The following GRIA1 variants were observed in gnomAD, a reference collection of about 807,000 sequenced individuals.
GRIA1 encodes glutamate receptor 1.
A neutral mutation model predicts 99.2 loss-of-function variants in GRIA1; 31 were observed. The observed-to-expected ratio is 0.31, with a 90% CI of 0.23 to 0.42. The LOEUF (loss-of-function observed/expected upper bound fraction) is 0.42. Among genes scored for constraint, GRIA1 ranks in the 10% least tolerant of loss-of-function variants. The pLI is 1.00. For missense variants in GRIA1, 782 were observed against 1,157.5 expected (o/e 0.68, Z 4.71); for synonymous variants, 438 against 432.4 (o/e 1.01, Z -0.16).
chr5:153,594,803 C>A (rs1764287547), intron 2 of GRIA1, among the ~76,000 whole-genome samples: 1 of 151,692 alleles, frequency 6.6e-6, no homozygotes, highest in Non-Finnish European at 1.5e-5. Flanking sequence ...GAGTCCACCC[C>A]CAGTCTTCTG....
At chr5:153,573,082 A>G (rs1382273481) in intron 2 of GRIA1, 1 of 152,214 alleles carries the variant, frequency 6.6e-6, no homozygotes, top group Non-Finnish European at 1.5e-5. Flanking sequence ...AAGGAGTCCT[A>G]AGAGGTCTGA....
intron 5 of GRIA1, among the ~76,000 whole-genome samples, chr5:153,657,011 C>T (rs1755008561): frequency 6.6e-6 from 1 of 152,150 alleles, no homozygotes; most frequent in African/African-American, 2.4e-5. Context: ...TCAAGTTTCA[C>T]CCATGTTGCA....
Position 153,627,517 on chromosome 5 carries a change from T to C in GRIA1, c.221-19411T>C, listed in dbSNP as rs1767745821. On this transcript the variant is annotated intron_variant, in intron 2 of 15. Coordinates refer to ENST00000285900, the MANE Select transcript of GRIA1 (RefSeq NM_000827.4). ...GAAAAATAATCTAGAACAATTTTTT[T>C]CAGAGGAATCAGTCTTTCTTCCCCA... Among the ~76,000 whole-genome samples, 6 of 152,160 alleles carry C rather than the reference T, an allele frequency of 3.9e-5. No individual in the cohort carries two copies. The South Asian group carries it at 1.2e-3, about 32-fold the overall frequency.
intron 2 of GRIA1, among the ~76,000 whole-genome samples, chr5:153,537,997 G>A (rs1409008144): frequency 6.6e-6 from 1 of 152,166 alleles, no homozygotes; most frequent in Non-Finnish European, 1.5e-5. Flanking sequence ...GCAGGGAGGT[G>A]ATACAGTGAA....
At chr5:153,534,628 C>A (rs1048923995) in intron 2 of GRIA1, among the ~76,000 whole-genome samples, 3 of 152,160 alleles carry the variant, frequency 2.0e-5, no homozygotes, top group African/African-American at 7.2e-5. Flanking sequence ...GACAGTATCA[C>A]GTTGTGGAGT....
upstream of GRIA1, chr5:153,490,301 T>C (rs1242927115): frequency 5.7e-6 from 1 of 174,262 alleles, no homozygotes; most frequent in African/African-American, 2.4e-5. Context: ...CCCAGCAGCT[T>C]CAGCCTGGGG....
chr5:153,513,737 A>G (rs1756333838), intron 2 of GRIA1, among the ~76,000 whole-genome samples: 1 of 152,144 alleles, frequency 6.6e-6, no homozygotes, highest in Non-Finnish European at 1.5e-5. Context: ...AGTGATTATG[A>G]ATCCAGACTT....
chr5:153,793,907 CA>C (rs1428819662), intron 13 of GRIA1, among the ~76,000 whole-genome samples: 1 of 152,206 alleles, frequency 6.6e-6, no homozygotes, highest in Non-Finnish European at 1.5e-5. Flanking sequence ...GCCTAAACAG[CA>C]GTCATGTAAA....
chr5:153,631,001 C>G (rs1752920995), intron 2 of GRIA1, among the ~76,000 whole-genome samples: 1 of 152,190 alleles, frequency 6.6e-6, no homozygotes, highest in African/African-American at 2.4e-5. Context: ...TGTCTGTTCT[C>G]TTACAGATGA....
At chr5:153,740,962 T>G (rs865849322) in intron 11 of GRIA1, among the ~76,000 whole-genome samples, 9 of 140,836 alleles carry the variant, frequency 6.4e-5, no homozygotes, top group African/African-American at 2.4e-4. Flanking sequence ...TGTGAAGAAA[T>G]TGGCTTTTTT....
chr5:153,784,792 T>C (rs1764869467), intron 13 of GRIA1, among the ~76,000 whole-genome samples: 1 of 152,188 alleles, frequency 6.6e-6, no homozygotes, highest in African/African-American at 2.4e-5. Flanking sequence ...CAGCCAGTGA[T>C]GTCATAGACT....
At chr5:153,495,237 A>G (rs2113199039) in intron 2 of GRIA1, among the ~76,000 whole-genome samples, 2 of 152,350 alleles carry the variant, frequency 1.3e-5, no homozygotes, top group South Asian at 2.1e-4. Flanking sequence ...AGTCACATTC[A>G]TTACCATGTA....
chr5:153,682,349 A>G (rs867792625), intron 7 of GRIA1, among the ~76,000 whole-genome samples: 4 of 152,204 alleles, frequency 2.6e-5, no homozygotes, highest in Non-Finnish European at 5.9e-5. Context: ...CAATGAGGGC[A>G]GGGGAGAGCA....
At chr5:153,705,560 C>A in intron 10 of GRIA1, 137 bp from the exon 11 acceptor site, 1 of 1,139,470 alleles carries the variant, frequency 8.8e-7, no homozygotes, top group Non-Finnish European at 1.2e-6. Context: ...AGGGGTTGGA[C>A]TTCAAAGGTT....
At chr5:153,713,628 G>A (rs537676858) in intron 11 of GRIA1, among the ~76,000 whole-genome samples, 1 of 152,300 alleles carries the variant, frequency 6.6e-6, no homozygotes, top group East Asian at 1.9e-4. Context: ...AGCCTTCACT[G>A]GATATGCAAA....
chr5:153,494,381 T>C, intron 2 of GRIA1: 1 of 292,646 alleles, frequency 3.4e-6, no homozygotes, highest in Non-Finnish European at 6.4e-6. Context: ...GTTTTACACA[T>C]ACGAATCTTC....
intron 8 of GRIA1, among the ~76,000 whole-genome samples, chr5:153,696,812 A>T (rs1405557831): frequency 6.6e-6 from 1 of 152,166 alleles, no homozygotes; most frequent in Non-Finnish European, 1.5e-5. Context: ...TAGAGATTAG[A>T]GACAGAGATA....
At chr5:153,562,693 A>AAGTG (rs1221776834) in intron 2 of GRIA1, among the ~76,000 whole-genome samples, 4 of 152,176 alleles carry the variant, frequency 2.6e-5, no homozygotes, top group African/African-American at 9.6e-5. Flanking sequence ...ATGAGTGAGT[A>AAGTG]AGTGAGTGAG....
At chr5:153,764,997 T>C (rs79634312) in intron 12 of GRIA1, among the ~76,000 whole-genome samples, 4,158 of 152,274 alleles carry the variant, frequency 0.027, 83 homozygotes, top group Middle Eastern at 0.082. Context: ...CTGGACCTGA[T>C]GCTCTTTGTG....
Sources: gnomAD v4.1 joint callset for allele counts (sites outside exome capture counted in the v4.1 genomes callset) on GRCh38, gnomAD v4.1.1 for gene constraint, MANE v1.5 for transcripts, NCBI Gene and HGNC (gene_info 2026-07-23, HGNC 2026-07-21) for gene names.